Variants in DENND2C observed in about 807,000 individuals in gnomAD.
DENND2C encodes the protein DENN domain containing 2C.
In DENND2C, 72 loss-of-function variants were observed where a neutral mutation model predicts 112.4. That is an observed-to-expected ratio of 0.64 (90% confidence interval 0.53 to 0.78). The LOEUF is 0.78. DENND2C is among the 30% of genes least tolerant of loss of function. The pLI is 0.00. For synonymous variants in DENND2C, 329 were observed against 381.6 expected, an observed-to-expected ratio of 0.86 and a Z score of 1.61; for missense variants, 992 against 1,113.8, an observed-to-expected ratio of 0.89 and a Z score of 1.56.
intron 7 of DENND2C, among the ~76,000 whole-genome samples, chr1:114,621,244 G>A (rs1025041063): frequency 5.9e-5 from 9 of 152,032 alleles, no homozygotes; most frequent in African/African-American, 1.7e-4. Flanking sequence ...GCAATATAGC[G>A]AGACTCTGTC....
At chr1:114,597,791 A>G (rs1162474941) in intron 16 of DENND2C, among the ~76,000 whole-genome samples, 1 of 152,220 alleles carries the variant, frequency 6.6e-6, no homozygotes, top group Non-Finnish European at 1.5e-5. Flanking sequence ...TCAAAAACGA[A>G]ACAAAACAGT....
intron 18 of DENND2C, among the ~76,000 whole-genome samples, chr1:114,590,708 G>A (rs1218459332): frequency 6.6e-6 from 1 of 150,816 alleles, no homozygotes; most frequent in African/African-American, 2.4e-5. Flanking sequence ...AACCCCGGAG[G>A]GTGGAGCCTG....
rs747531632 is a variant in DENND2C, at chr1:114,601,479, A to G, written c.1815+29T>C. On this transcript the variant is annotated intron_variant, in intron 13 of 20. Transcript: ENST00000393274. Reference sequence around the variant, plus strand: ...ATATTAAGAGCTCAAAAAGGACACCATTTTTCATACAGCTCATTCTCCACT... The same window carrying G: ...ATATTAAGAGCTCAAAAAGGACACCGTTTTTCATACAGCTCATTCTCCACT... 4 of 1,595,408 alleles carry G rather than the reference A, an allele frequency of 2.5e-6. No individual in the cohort carries two copies. In the South Asian group the frequency reaches 3.4e-5, roughly 14 times the overall value.
In DENND2C at chr1:114,606,049, T is replaced by A. The variant is rs1655649740; in HGVS notation, c.1558-1018A>T. The stretch of plus-strand genomic sequence containing the variant: ...GTCTAATTACCATATTGCCTTCAGA[T>A]AACTAATAACAATGATCTCCCTTTT... On this transcript the variant is annotated intron_variant, in intron 10 of 20. Transcript: ENST00000393274. 3.3e-5 allele frequency among the ~76,000 whole-genome samples: 5 copies of A among 152,292 alleles called. No individual in the cohort carries two copies. The South Asian group carries it at 1.0e-3, about 32-fold the overall frequency.
At chr1:114,643,161 CTG>C (rs1180072418) in intron 3 of DENND2C, among the ~76,000 whole-genome samples, 1 of 152,134 alleles carries the variant, frequency 6.6e-6, no homozygotes, top group Non-Finnish European at 1.5e-5. Flanking sequence ...TTCTGCAATG[CTG>C]TCTTAGAAGA....
At chr1:114,646,366 G>A (rs1226731103) in intron 2 of DENND2C, among the ~76,000 whole-genome samples, 2 of 152,166 alleles carry the variant, frequency 1.3e-5, no homozygotes, top group Non-Finnish European at 2.9e-5. Context: ...GGAAAATGGT[G>A]TGACATTTTA....
chr1:114,608,247 C>A lies in DENND2C; in HGVS notation c.1557+439G>T, dbSNP rs185379637. Among the ~76,000 whole-genome samples, 1,278 of 150,906 alleles carry A rather than the reference C, an allele frequency of 8.5e-3. 4 individuals are homozygous for A. Among genetic ancestry groups the A allele is most frequent in the Non-Finnish European group, 0.013 (904 of 67,812 alleles). On this transcript the variant is annotated intron_variant, in intron 10 of 20. Transcript: ENST00000393274. ...CTGCACCACTGCACTCCAGCCTGGGCAACAGAGCAAGACTCCATCTAAAAA... is the reference window on the plus strand; with the variant it reads ...CTGCACCACTGCACTCCAGCCTGGGAAACAGAGCAAGACTCCATCTAAAAA...
intron 3 of DENND2C, among the ~76,000 whole-genome samples, chr1:114,628,610 A>T (rs755882772): frequency 5.9e-5 from 9 of 152,234 alleles, no homozygotes; most frequent in African/African-American, 2.4e-5. Context: ...CTTAGAGCTG[A>T]TTTCACAGTC....
chr1:114,587,336 C>T (rs187356424), intron 20 of DENND2C, 51 bp downstream of exon 20: 24 of 1,599,844 alleles, frequency 1.5e-5, no homozygotes, highest in East Asian at 1.1e-4. Context: ...CATGAGCCAC[C>T]GCGCCTGGTC....
At position 114,613,254 on chromosome 1, in the gene DENND2C, A is replaced by T. The variant is rs556953746; in HGVS notation, c.1325-2137T>A. On this transcript the variant is annotated intron_variant, in intron 8 of 20. Transcript: ENST00000393274. ...TGAAGTACATTAATTAAGCTTTTTT[A>T]AAAAGGCAGGCATACAAAGTCTGAA... Among the ~76,000 whole-genome samples the T allele has an allele frequency of 3.9e-5, 6 of 152,338 alleles. No homozygotes were observed. The South Asian group carries it at 8.3e-4, about 21-fold the overall frequency.
chr1:114,641,888 T>C (rs1656846025), intron 3 of DENND2C, among the ~76,000 whole-genome samples: 1 of 152,098 alleles, frequency 6.6e-6, no homozygotes, highest in South Asian at 2.1e-4. Flanking sequence ...CATACAAAAA[T>C]AAGATCATAA....
intron 7 of DENND2C, among the ~76,000 whole-genome samples, chr1:114,619,585 T>A (rs531008592): frequency 6.6e-6 from 1 of 152,136 alleles, no homozygotes; most frequent in South Asian, 2.1e-4. Context: ...ATTACAACAT[T>A]TTTGGATGAG....
intron 18 of DENND2C, among the ~76,000 whole-genome samples, chr1:114,590,431 T>C (rs928930777): frequency 6.6e-6 from 1 of 151,940 alleles, no homozygotes; most frequent in African/African-American, 2.4e-5. Context: ...CTCCTGAAAA[T>C]GGATATTCAC....
intron 18 of DENND2C, among the ~76,000 whole-genome samples, chr1:114,594,247 A>T (rs1306417850): frequency 6.6e-6 from 1 of 152,234 alleles, no homozygotes; most frequent in Non-Finnish European, 1.5e-5. Context: ...TCATGTGGAT[A>T]TCTGCGGGAA....
intron 11 of DENND2C, among the ~76,000 whole-genome samples, chr1:114,603,858 T>C (rs755627972): frequency 6.6e-6 from 1 of 152,152 alleles, no homozygotes; most frequent in Non-Finnish European, 1.5e-5. Flanking sequence ...TTGAACAATA[T>C]ATACATGTCT....
intron 1 of DENND2C, among the ~76,000 whole-genome samples, chr1:114,665,179 G>T (rs1199591750): frequency 2.6e-5 from 4 of 151,520 alleles, no homozygotes; most frequent in Non-Finnish European, 5.9e-5. Flanking sequence ...TGAAGCAGGA[G>T]GATCCCTTGA....
At chr1:114,611,905 T>G (rs1655830653) in intron 8 of DENND2C, among the ~76,000 whole-genome samples, 1 of 152,058 alleles carries the variant, frequency 6.6e-6, no homozygotes, top group Admixed American at 6.6e-5. Flanking sequence ...AAATAAGGCC[T>G]AGAAGTCATA....
intron 3 of DENND2C, among the ~76,000 whole-genome samples, chr1:114,633,052 T>G (rs1012525404): frequency 1.3e-5 from 2 of 152,104 alleles, no homozygotes; most frequent in Non-Finnish European, 2.9e-5. Flanking sequence ...ACTGTGAAAT[T>G]TACAACAATG....
chr1:114,612,198 A>G (rs1484849228), intron 8 of DENND2C, among the ~76,000 whole-genome samples: 5 of 152,184 alleles, frequency 3.3e-5, no homozygotes, highest in African/African-American at 9.7e-5. Context: ...AATAAACAAG[A>G]CATACATTTT....
Sources: allele counts gnomAD v4.1 joint callset (sites outside exome capture counted in the v4.1 genomes callset), GRCh38; gene constraint gnomAD v4.1.1; transcripts MANE v1.5; gene names NCBI Gene and HGNC (gene_info 2026-07-23, HGNC 2026-07-21).